The following AFG1L variants were observed in gnomAD, a reference collection of about 807,000 sequenced individuals.
The protein encoded by AFG1L is AFG1 like ATPase, also known as AFG1-like ATPase.
A neutral mutation model predicts 62.2 loss-of-function variants in AFG1L; 53 were observed. That is an observed-to-expected ratio of 0.85 (90% CI 0.68 to 1.07). The LOEUF is 1.07. Ranked by LOEUF, AFG1L falls within the 50% of genes least tolerant of loss-of-function variation. The pLI is 0.00. For synonymous variants in AFG1L, 228 were observed against 210.3 expected (o/e 1.08, Z -0.73); for missense variants, 555 against 590.5 (o/e 0.94, Z 0.62).
At chr6:108,461,513 C>T (rs1355184340) in intron 8 of AFG1L, among the ~76,000 whole-genome samples, 1 of 152,118 alleles carries the variant, frequency 6.6e-6, no homozygotes, top group Non-Finnish European at 1.5e-5. Context: ...GGCTGGAGTG[C>T]AGTGGTGCCA....
chr6:108,375,180 T>C (rs1486996085), intron 6 of AFG1L, among the ~76,000 whole-genome samples: 1 of 152,314 alleles, frequency 6.6e-6, no homozygotes, highest in African/African-American at 2.4e-5. Flanking sequence ...TTGATTTTGG[T>C]ATCCTGAAAC....
At chr6:108,439,957 C>A (rs920396548) in intron 7 of AFG1L, among the ~76,000 whole-genome samples, 1 of 151,964 alleles carries the variant, frequency 6.6e-6, no homozygotes, top group Admixed American at 6.6e-5. Context: ...TGTTTATTTT[C>A]TTTCATAGAA....
At chr6:108,425,800 A>G (rs571158593) in intron 7 of AFG1L, among the ~76,000 whole-genome samples, 2 of 152,248 alleles carry the variant, frequency 1.3e-5, no homozygotes, top group South Asian at 4.1e-4. Context: ...AGTATAATCT[A>G]TCTTATTAAT....
intron 8 of AFG1L, among the ~76,000 whole-genome samples, chr6:108,462,944 CA>C (rs1772517639): frequency 6.6e-6 from 1 of 152,104 alleles, no homozygotes; most frequent in Non-Finnish European, 1.5e-5. Flanking sequence ...GCTGATCTGG[CA>C]AAAACCCTAG....
intron 7 of AFG1L, among the ~76,000 whole-genome samples, chr6:108,431,969 AG>A (rs1340451006): frequency 6.7e-6 from 1 of 150,070 alleles, no homozygotes; most frequent in Non-Finnish European, 1.5e-5. Context: ...ACTGACAGGG[AG>A]ACCCTACAAC....
At chr6:108,400,936 C>A (rs1781574017) in intron 6 of AFG1L, among the ~76,000 whole-genome samples, 1 of 145,724 alleles carries the variant, frequency 6.9e-6, no homozygotes, top group Non-Finnish European at 1.5e-5. Flanking sequence ...GATGTATTTT[C>A]TAAAAAGGCT....
intron 7 of AFG1L, among the ~76,000 whole-genome samples, chr6:108,411,575 G>A (rs1463306777): frequency 1.3e-5 from 2 of 152,202 alleles, no homozygotes; most frequent in Non-Finnish European, 2.9e-5. Context: ...GGAAGGATCA[G>A]GCAGCAACAT....
At chr6:108,295,286 TC>T in intron 1 of AFG1L, 68 bp downstream of exon 1, 2 of 1,510,210 alleles carry the variant, frequency 1.3e-6, no homozygotes, top group East Asian at 4.6e-5. Flanking sequence ...GGGATTACCC[TC>T]CCTGTCCGAT....
intron 7 of AFG1L, among the ~76,000 whole-genome samples, chr6:108,441,305 G>A (rs1406243178): frequency 6.6e-6 from 1 of 152,110 alleles, no homozygotes; most frequent in Non-Finnish European, 1.5e-5. Context: ...AGTTCCTTTA[G>A]TCATACATTT....
intron 10 of AFG1L, among the ~76,000 whole-genome samples, chr6:108,490,158 A>G (rs1295313778): frequency 6.6e-6 from 1 of 152,226 alleles, no homozygotes; most frequent in Non-Finnish European, 1.5e-5. Context: ...CAAGAGATGG[A>G]GACCATCCTG....
chr6:108,484,371 G>C (rs1292092096), intron 10 of AFG1L, among the ~76,000 whole-genome samples: 1 of 152,176 alleles, frequency 6.6e-6, no homozygotes, highest in Non-Finnish European at 1.5e-5. Context: ...TAGAGAATGG[G>C]TCAGATTCTT....
At chr6:108,393,413 G>A (rs900836839) in intron 6 of AFG1L, among the ~76,000 whole-genome samples, 1 of 151,904 alleles carries the variant, frequency 6.6e-6, no homozygotes, top group Non-Finnish European at 1.5e-5. Flanking sequence ...AATGATTTCT[G>A]TTTAGAATTC....
At chr6:108,325,642 C>T (rs1237798034) in intron 2 of AFG1L, among the ~76,000 whole-genome samples, 7 of 151,754 alleles carry the variant, frequency 4.6e-5, no homozygotes, top group Non-Finnish European at 8.8e-5. Context: ...CACACCACCA[C>T]ACCTAGCTAA....
chr6:108,368,071 A>G (rs1779833567), intron 6 of AFG1L, among the ~76,000 whole-genome samples: 1 of 151,974 alleles, frequency 6.6e-6, no homozygotes, highest in African/African-American at 2.4e-5. Flanking sequence ...ATGTTTGTGT[A>G]GTGGATTTCT....
intron 2 of AFG1L, among the ~76,000 whole-genome samples, chr6:108,339,715 CTGGAT>C (rs1452732977): frequency 1.3e-5 from 2 of 152,016 alleles, no homozygotes; most frequent in African/African-American, 2.4e-5. Context: ...TCCCAAAGTG[CTGGAT>C]TACAGGTGTG....
At position 108,295,217 on chromosome 6, in the gene AFG1L, A is replaced by C. The variant is rs774028395; in HGVS notation, c.138A>C (p.Lys46Asn). The change falls in exon 1 of 13, where the codon AAA (lysine) becomes AAC (asparagine). Residue 46 changes from lysine (K) to asparagine (N), a missense_variant and splice_region_variant. Transcript: ENST00000368977. Reference sequence around the variant, plus strand: ...CCGCCCCTGGGAAGCCCTTTTGGAAAGGTCAGTGACTGTGCCATGAGTAGT... The same window carrying C: ...CCGCCCCTGGGAAGCCCTTTTGGAACGGTCAGTGACTGTGCCATGAGTAGT... ...LATAPGKPFW[K>N]AYTVQTSESM... The C allele has an allele frequency of 2.4e-5, 39 of 1,602,060 alleles. No individual in the cohort carries two copies. The highest frequency in any genetic ancestry group is 3.3e-5 in the Non-Finnish European group (39 of 1,179,514).
chr6:108,487,940 AG>A (rs2114843691), intron 10 of AFG1L, among the ~76,000 whole-genome samples: 1 of 152,294 alleles, frequency 6.6e-6, no homozygotes, highest in East Asian at 1.9e-4. Context: ...TTAGGTTTTG[AG>A]CAGGAATGTG....
At chr6:108,441,701 TAAA>T (rs33913085) in intron 7 of AFG1L, among the ~76,000 whole-genome samples, 4,304 of 141,774 alleles carry the variant, frequency 0.03, 231 homozygotes, top group African/African-American at 0.11. Context: ...GAGGTTTATT[TAAA>T]AAAAAAAAAT....
In AFG1L at chr6:108,512,947, G is replaced by T. The variant is rs369175909; in HGVS notation, c.1203+2595G>T. 2.8e-4 allele frequency among the ~76,000 whole-genome samples: 43 copies of T among 152,230 alleles called. 1 individual carries two copies. In the East Asian group the frequency reaches 6.6e-3, roughly 23 times the overall value. ...ATGTAAATAATGAAAAATTGTCTTT[G>T]ATTAAAATAACTTATAAGAGGAGGT... On this transcript the variant is annotated intron_variant, in intron 11 of 12. Coordinates refer to ENST00000368977, the MANE Select transcript of AFG1L (RefSeq NM_145315.5).
Sources: allele counts gnomAD v4.1 joint callset (sites outside exome capture counted in the v4.1 genomes callset), GRCh38; gene constraint gnomAD v4.1.1; transcripts MANE v1.5; gene names NCBI Gene and HGNC (gene_info 2026-07-23, HGNC 2026-07-21).